Variants in DDX10 observed in about 807,000 individuals in gnomAD.
DDX10 encodes DEAD-box helicase 10.
In DDX10, 74 loss-of-function variants were observed where a neutral mutation model predicts 104.3. The observed-to-expected ratio is 0.71, with a 90% CI of 0.59 to 0.86. The LOEUF (loss-of-function observed/expected upper bound fraction) is 0.86. Among genes scored for constraint, DDX10 ranks in the 40% least tolerant of loss-of-function variants. The pLI, the probability that DDX10 is intolerant of heterozygous loss-of-function variation, is 0.00. For missense variants in DDX10, 952 were observed against 1,040.0 expected, an observed-to-expected ratio of 0.92 and a Z score of 1.16; for synonymous variants, 351 against 353.4, an observed-to-expected ratio of 0.99 and a Z score of 0.08.
At chr11:108,841,171 T>C in intron 14 of DDX10, 144 bp from the exon 15 acceptor site, 1 of 652,312 alleles carries the variant, frequency 1.5e-6, no homozygotes, top group Non-Finnish European at 2.6e-6. Flanking sequence ...TGGCTTGAAG[T>C]TGATTAGAAG....
chr11:108,832,844 G>T (rs1473652047), intron 13 of DDX10, among the ~76,000 whole-genome samples: 1 of 152,092 alleles, frequency 6.6e-6, no homozygotes. Context: ...TATAATCAAG[G>T]CTTTTAATTG....
chr11:108,880,959 G>A (rs1414146690), intron 16 of DDX10, among the ~76,000 whole-genome samples: 4 of 152,066 alleles, frequency 2.6e-5, no homozygotes, highest in Admixed American at 6.6e-5. Flanking sequence ...CCTGAAAAAA[G>A]CCTTATTTTT....
At chr11:108,748,556 G>C (rs977473067) in intron 13 of DDX10, among the ~76,000 whole-genome samples, 2 of 152,160 alleles carry the variant, frequency 1.3e-5, no homozygotes, top group Non-Finnish European at 2.9e-5. Context: ...AGAATGTACT[G>C]ATTACAACCG....
At chr11:108,879,702 C>G (rs910724148) in intron 16 of DDX10, among the ~76,000 whole-genome samples, 5 of 152,150 alleles carry the variant, frequency 3.3e-5, no homozygotes, top group Non-Finnish European at 4.4e-5. Flanking sequence ...CTCTCACCAG[C>G]TCTGGATGGG....
At chr11:108,781,412 G>C (rs1565276471) in intron 13 of DDX10, among the ~76,000 whole-genome samples, 1 of 152,066 alleles carries the variant, frequency 6.6e-6, no homozygotes, top group Non-Finnish European at 1.5e-5. Flanking sequence ...ATTTTCCTCT[G>C]GGTATGAACC....
intron 16 of DDX10, among the ~76,000 whole-genome samples, chr11:108,894,181 C>A (rs764714383): frequency 1.3e-5 from 2 of 152,004 alleles, no homozygotes; most frequent in Non-Finnish European, 2.9e-5. Context: ...GAGAATAATA[C>A]ACTTTGCATG....
At chr11:108,677,049 A>G in intron 3 of DDX10, 36 bp from the exon 4 acceptor site, 1 of 1,576,668 alleles carries the variant, frequency 6.3e-7, no homozygotes, top group Non-Finnish European at 8.6e-7. Context: ...CTGACTTCTG[A>G]TGACTTACTG....
At chr11:108,869,483 A>T (rs754978493) in intron 16 of DDX10, among the ~76,000 whole-genome samples, 1 of 152,118 alleles carries the variant, frequency 6.6e-6, no homozygotes, top group Non-Finnish European at 1.5e-5. Flanking sequence ...TGAGTCTTCC[A>T]TTTTGATGCA....
intron 13 of DDX10, among the ~76,000 whole-genome samples, chr11:108,801,418 CT>C (rs1225805347): frequency 1.2e-4 from 18 of 152,166 alleles, no homozygotes; most frequent in Admixed American, 1.2e-3. Flanking sequence ...AAGTTCTCAA[CT>C]TATGAAATGT....
chr11:108,772,415 AG>A (rs2094364440), intron 13 of DDX10, among the ~76,000 whole-genome samples: 1 of 152,186 alleles, frequency 6.6e-6, no homozygotes, highest in African/African-American at 2.4e-5. Context: ...GAAGAAGAGG[AG>A]GAGGCAGTGT....
At chr11:108,865,117 G>A (rs890087625) in intron 16 of DDX10, among the ~76,000 whole-genome samples, 1 of 152,186 alleles carries the variant, frequency 6.6e-6, no homozygotes, top group Non-Finnish European at 1.5e-5. Context: ...TGTGTGTTCA[G>A]CTCAGTGTTG....
chr11:108,937,253 T>G (rs1035455156), intron 17 of DDX10, among the ~76,000 whole-genome samples: 1 of 152,138 alleles, frequency 6.6e-6, no homozygotes, highest in African/African-American at 2.4e-5. Context: ...CGTTCTAACT[T>G]CAGGTTTTCC....
chr11:108,784,907 A>G (rs1189175841), intron 13 of DDX10, among the ~76,000 whole-genome samples: 1 of 152,166 alleles, frequency 6.6e-6, no homozygotes, highest in Non-Finnish European at 1.5e-5. Context: ...TCTTCTGCAT[A>G]TGGCTAGCCA....
chr11:108,750,513 C>G (rs191622519), intron 13 of DDX10, among the ~76,000 whole-genome samples: 8 of 152,166 alleles, frequency 5.3e-5, no homozygotes, highest in Admixed American at 5.2e-4. Flanking sequence ...TCACTCTCAC[C>G]CTCTTCCTCT....
At chr11:108,760,260 ATC>A (rs2094349196) in intron 13 of DDX10, among the ~76,000 whole-genome samples, 1 of 152,000 alleles carries the variant, frequency 6.6e-6, no homozygotes, top group Non-Finnish European at 1.5e-5. Flanking sequence ...CAAAATATGT[ATC>A]TCTACAGAAC....
intron 16 of DDX10, among the ~76,000 whole-genome samples, chr11:108,854,104 C>G (rs1040371998): frequency 7.2e-5 from 11 of 152,322 alleles, no homozygotes; most frequent in African/African-American, 2.4e-4. Context: ...TGAGGACTGC[C>G]TGCAGTGACA....
At chr11:108,729,850 C>T (rs570371115) in intron 13 of DDX10, 2 of 152,316 alleles carry the variant, frequency 1.3e-5, no homozygotes, top group East Asian at 3.9e-4. Flanking sequence ...ATTTGGTCTG[C>T]AAATTCTTTA....
At chr11:108,665,372 G>C (rs1423869860) in intron 1 of DDX10, 33 bp downstream of exon 1, 1 of 1,523,222 alleles carries the variant, frequency 6.6e-7, no homozygotes, top group Non-Finnish European at 8.8e-7. Context: ...GGCTCGGGCC[G>C]GCCAGCAGCG....
chr11:108,933,094 T>C (rs1863993744), intron 17 of DDX10, among the ~76,000 whole-genome samples: 1 of 151,886 alleles, frequency 6.6e-6, no homozygotes, highest in South Asian at 2.1e-4. Flanking sequence ...GGTTTTTTAG[T>C]AGGGGCAAGA....
Sources: gnomAD v4.1 joint callset for allele counts (sites outside exome capture counted in the v4.1 genomes callset) on GRCh38, gnomAD v4.1.1 for gene constraint, MANE v1.5 for transcripts, NCBI Gene and HGNC (gene_info 2026-07-23, HGNC 2026-07-21) for gene names.